STAB1: variants seen among roughly 807,000 people sequenced by gnomAD.
STAB1 encodes the protein stabilin-1.
Under a neutral mutation model 332.4 loss-of-function variants are expected in STAB1, and 250 were observed. That is an observed-to-expected ratio of 0.75 (90% CI 0.68 to 0.84). STAB1 has a LOEUF of 0.84. STAB1 is among the 40% of genes least tolerant of loss of function. STAB1 has a pLI of 0.00. For synonymous variants in STAB1, 1,475 were observed against 1,390.4 expected (o/e 1.06, Z -1.35); for missense variants, 3,249 against 3,489.7 (o/e 0.93, Z 1.74).
Position 52,521,966 on chromosome 3 carries a change from G to T in STAB1, c.6271+15G>T, listed in dbSNP as rs766126320. The T allele has an allele frequency of 4.4e-6, 7 of 1,606,386 alleles. No homozygotes were observed. The African/African-American group carries it at 6.7e-5, about 15-fold the overall frequency. On this transcript the variant is annotated intron_variant, in intron 58 of 68. Transcript: ENST00000321725. ...TGTGTGTACAGGTAAGCAGATGGGC[G>T]GGGACATGGAGGTGGGAGGCCCCCA...
rs1218770044 is a variant in STAB1 at position 52,511,758 on chromosome 3, A to G, written c.2883+13A>G. ...CTGCCACGGCCTGGTAAGGGGGTGC[A>G]AGGCTCAGAGCCCTGGGGAAGCTTT... On this transcript the variant is annotated intron_variant, in intron 26 of 68. Transcript: ENST00000321725. The G allele has an allele frequency of 2.6e-6, 4 of 1,565,474 alleles. No homozygotes were observed. The African/African-American group carries it at 5.4e-5, about 21-fold the overall frequency.
At chr3:52,496,892 G>A (rs1708068364) in intron 1 of STAB1, among the ~76,000 whole-genome samples, 1 of 152,212 alleles carries the variant, frequency 6.6e-6, no homozygotes, top group South Asian at 2.1e-4. Flanking sequence ...ATAGCCGAGA[G>A]CCACTGTAAG....
At chr3:52,516,812 G>A in intron 41 of STAB1, 44 bp downstream of exon 41, 1 of 1,595,442 alleles carries the variant, frequency 6.3e-7, no homozygotes, top group Non-Finnish European at 8.5e-7. Flanking sequence ...AAATTTTGGG[G>A]TGGCTGTCCC....
rs551835359 is a variant in STAB1, at chr3:52,519,528, G to A, written c.5199G>A (p.Gln1733=). ...IPRRNVTAAA[Q]GFGYKIFSGL... is the part of the protein sequence containing the mutation. ...AGAGAAATGTCACCGCCGCCGCCCA[G>A]GGCTTCGGTTACAAGATCTTCAGCG... Residue 1733 remains glutamine, a synonymous_variant, in exon 50 of 69, where the codon CAG becomes CAA. Coordinates refer to ENST00000321725, the MANE Select transcript of STAB1 (RefSeq NM_015136.3). The A allele has an allele frequency of 1.2e-6, 2 of 1,613,340 alleles. No homozygotes were observed. The highest frequency in any genetic ancestry group is 4.5e-5 in the East Asian group (2 of 44,880).
intron 26 of STAB1, 101 bp downstream of exon 26, chr3:52,511,846 C>A: frequency 1.1e-6 from 1 of 923,370 alleles, no homozygotes; most frequent in East Asian, 2.8e-5. Flanking sequence ...CTCTCTGTAC[C>A]CCCTCAGGAT....
At chr3:52,514,646 C>T (rs530477046) in intron 34 of STAB1, 55 bp from the exon 35 acceptor site, 3 of 1,610,784 alleles carry the variant, frequency 1.9e-6, no homozygotes, top group East Asian at 2.2e-5. Flanking sequence ...GACCTTACAG[C>T]CCTGCCAGGT....
chr3:52,520,155 T>G (rs2079024792), intron 51 of STAB1, 35 bp downstream of exon 51: 1 of 1,612,920 alleles, frequency 6.2e-7, no homozygotes, highest in South Asian at 1.1e-5. Flanking sequence ...CTTCACTGCC[T>G]GCAGCTCAGC....
chr3:52,497,787 C>T (rs986385291), intron 1 of STAB1, among the ~76,000 whole-genome samples: 5 of 152,142 alleles, frequency 3.3e-5, no homozygotes, highest in African/African-American at 1.2e-4. Context: ...AACCAGTCCC[C>T]CATAGACACC....
At position 52,524,205 on chromosome 3, in the gene STAB1, C is replaced by T; in HGVS notation, c.7648C>T (p.Pro2550Ser). ...CTTTGGCAGCGACACCTTTTGTGAA[C>T]CCTTCGATGTAAGCATGGAAGTGAA... is the stretch of plus-strand genomic sequence containing the variant. ...PVFGSDTFCEPFDDSLLEEDF... is the reference protein window; with the variant it reads ...PVFGSDTFCESFDDSLLEEDF... The change falls in exon 68 of 69, where the codon CCC becomes TCC. Residue 2550 changes from proline (P) to serine (S), a missense_variant. By Grantham distance (74) the Pro-to-Ser change is moderately conservative. Coordinates refer to ENST00000321725, the MANE Select transcript of STAB1 (RefSeq NM_015136.3). 6.2e-7 allele frequency: 1 copy of T among 1,614,098 alleles called. No homozygotes were observed. The highest frequency in any genetic ancestry group is 1.6e-4 in the Middle Eastern group (1 of 6,062).
chr3:52,519,005 C>A, intron 48 of STAB1, 136 bp downstream of exon 48: 1 of 1,153,720 alleles, frequency 8.7e-7, no homozygotes, highest in Non-Finnish European at 1.2e-6. Context: ...CTGAGTCCAG[C>A]CCGGGACTCC....
In STAB1 at chr3:52,516,219, C is replaced by T. The variant is rs146145755; in HGVS notation, c.4125C>T (p.Tyr1375=). ...GTGAGGTGTGTGAGCTGGGCCGCTA[C>T]GGGCCCAACTGCACCGGAGGTGAGG... is the stretch of plus-strand genomic sequence containing the variant. The part of the protein sequence containing the change: ...TACEVCELGR[Y]GPNCTGVCDC... Residue 1375 remains tyrosine (Y), a synonymous_variant, in exon 38 of 69, where the codon TAC becomes TAT. Transcript: ENST00000321725. The T allele has an allele frequency of 1.7e-4, 271 of 1,608,700 alleles. No individual in the cohort carries two copies. The African/African-American group carries it at 2.3e-3, about 13-fold the overall frequency.
chr3:52,519,735 T>C, intron 50 of STAB1, 171 bp downstream of exon 50: 1 of 1,167,956 alleles, frequency 8.6e-7, no homozygotes, highest in Non-Finnish European at 1.2e-6. Flanking sequence ...GCACCCCAGG[T>C]TGAGCACATG....
At position 52,516,738 on chromosome 3, in the gene STAB1, G is replaced by A; in HGVS notation, c.4333G>A (p.Gly1445Arg). The A allele has an allele frequency of 6.2e-7, 1 of 1,611,394 alleles. No individual in the cohort carries two copies. Among genetic ancestry groups the A allele is most frequent in the Non-Finnish European group, 8.5e-7 (1 of 1,179,672 alleles). Residue 1445 changes from glycine to arginine, a missense_variant, in exon 41 of 69, where the codon GGA becomes AGA. Coordinates refer to ENST00000321725, the MANE Select transcript of STAB1 (RefSeq NM_015136.3). ...AGASTCACAA[G>R]YSGNGIFCSE... is the part of the protein sequence containing the mutation. ...AGCCTCCACCTGCGCCTGTGCTGCG[G>A]GATACTCCGGCAATGGCATCTTCTG...
At chr3:52,515,359 C>G (rs1017145631) in intron 36 of STAB1, 64 bp from the exon 37 acceptor site, 2 of 1,492,620 alleles carry the variant, frequency 1.3e-6, no homozygotes, top group African/African-American at 2.8e-5. Context: ...GTCTGTCTCC[C>G]CATTCACTGC....
rs765388788 is a variant in STAB1 at position 52,515,064 on chromosome 3, C to G, written c.3864+19C>G. The G allele has an allele frequency of 6.2e-7, 1 of 1,612,632 alleles. No homozygotes were observed. Among genetic ancestry groups the G allele is most frequent in the Non-Finnish European group, 8.5e-7 (1 of 1,179,630 alleles). On this transcript the variant is annotated intron_variant, in intron 36 of 68. Coordinates refer to ENST00000321725, the MANE Select transcript of STAB1 (RefSeq NM_015136.3). Reference sequence around the variant, plus strand: ...GCTGCAGGTGAGACTGGGCTTAGCGCAGCTCTGTCCCTGTGTTGCCTGCCC... The same window carrying G: ...GCTGCAGGTGAGACTGGGCTTAGCGGAGCTCTGTCCCTGTGTTGCCTGCCC...
chr3:52,507,917 A>G lies in STAB1; in HGVS notation c.2053-14A>G. 6.2e-7 allele frequency: 1 copy of G among 1,611,236 alleles called. No homozygotes were observed. Among genetic ancestry groups the G allele is most frequent in the Non-Finnish European group, 8.5e-7 (1 of 1,178,450 alleles). ...ACCCACACCCACTGACTGGCTTTGC[A>G]TGGCCCACCCTAGGACATCTTCCCC... On this transcript the variant is annotated splice_polypyrimidine_tract_variant and intron_variant, in intron 19 of 68. Coordinates refer to ENST00000321725, the MANE Select transcript of STAB1 (RefSeq NM_015136.3).
intron 45 of STAB1, 131 bp downstream of exon 45, chr3:52,518,134 T>G: frequency 6.7e-7 from 1 of 1,496,934 alleles, no homozygotes; most frequent in East Asian, 2.3e-5. Flanking sequence ...GACCCCTGAT[T>G]GTACCTGGGC....
At position 52,516,744 on chromosome 3, in the gene STAB1, T is replaced by C. The variant is rs1689026802; in HGVS notation, c.4339T>C (p.Ser1447Pro). The change falls in exon 41 of 69, where the codon TCC (serine) becomes CCC (proline). Residue 1447 changes from serine to proline, a missense_variant. Ser to Pro is a moderately conservative substitution (Grantham distance 74). Coordinates refer to ENST00000321725, the MANE Select transcript of STAB1 (RefSeq NM_015136.3). ...CACCTGCGCCTGTGCTGCGGGATAC[T>C]CCGGCAATGGCATCTTCTGTTCAGG... ...ASTCACAAGY[S>P]GNGIFCSEVD... 1 of 1,610,978 alleles carries C rather than the reference T, an allele frequency of 6.2e-7. No individual in the cohort carries two copies. Among genetic ancestry groups the C allele is most frequent in the South Asian group, 1.1e-5 (1 of 90,890 alleles).
At chr3:52,501,922 C>T (rs892837561) in intron 3 of STAB1, 84 bp from the exon 4 acceptor site, 13 of 1,544,346 alleles carry the variant, frequency 8.4e-6, no homozygotes, top group Admixed American at 3.5e-5. Flanking sequence ...GGGGAGGGGC[C>T]GAGTCTGGGG....
Sources: allele counts gnomAD v4.1 joint callset (sites outside exome capture counted in the v4.1 genomes callset), GRCh38; gene constraint gnomAD v4.1.1; transcripts MANE v1.5; gene names NCBI Gene and HGNC (gene_info 2026-07-23, HGNC 2026-07-21).